The following CEP128 variants were observed in gnomAD, a reference collection of about 807,000 sequenced individuals.
CEP128 encodes the protein centrosomal protein 128, also known as centrosomal protein 128kDa.
A neutral mutation model predicts 156.7 loss-of-function variants in CEP128; 132 were observed. The observed-to-expected ratio is 0.84, with a 90% CI of 0.73 to 0.97. The LOEUF is 0.97. CEP128 is among the 50% of genes least tolerant of loss of function. CEP128 has a pLI of 0.00. For missense variants in CEP128, 1,252 were observed against 1,281.9 expected (o/e 0.98, Z 0.36); for synonymous variants, 469 against 448.9 (o/e 1.04, Z -0.57).
At chr14:80,761,359 C>A (rs1899957387) in intron 17 of CEP128, 78 bp downstream of exon 17, 1 of 1,101,282 alleles carries the variant, frequency 9.1e-7, no homozygotes, top group Non-Finnish European at 1.3e-6. Flanking sequence ...ATCTGACTAC[C>A]ACACATGAAA....
chr14:80,691,987 C>T (rs1167502986), intron 19 of CEP128, among the ~76,000 whole-genome samples: 2 of 152,158 alleles, frequency 1.3e-5, no homozygotes, highest in East Asian at 3.9e-4. Context: ...ACACTCCCCT[C>T]TTGCACACGG....
intron 19 of CEP128, among the ~76,000 whole-genome samples, chr14:80,710,318 A>C (rs1897357318): frequency 6.6e-6 from 1 of 152,114 alleles, no homozygotes; most frequent in Non-Finnish European, 1.5e-5. Flanking sequence ...ACAGTATGAT[A>C]TATTGAGTAT....
chr14:80,660,034 C>G (rs1895332831), intron 19 of CEP128, among the ~76,000 whole-genome samples: 2 of 152,146 alleles, frequency 1.3e-5, no homozygotes, highest in South Asian at 4.1e-4. Context: ...GATTGCAGAT[C>G]TGATGGCATG....
intron 19 of CEP128, among the ~76,000 whole-genome samples, chr14:80,691,311 C>T (rs1044840070): frequency 6.6e-6 from 1 of 152,048 alleles, no homozygotes; most frequent in African/African-American, 2.4e-5. Context: ...ATCCTTTTAG[C>T]GAGAATAATG....
chr14:80,678,064 G>GTATATATATATATATATATATA (rs1274703937), intron 19 of CEP128, among the ~76,000 whole-genome samples: 2 of 27,450 alleles, frequency 7.3e-5, no homozygotes, highest in Non-Finnish European at 1.1e-4. Flanking sequence ...ATATATATAT[G>GTATATATATATATATATATATA]TATATATATA....
chr14:80,748,190 T>C (rs1899205141), intron 18 of CEP128, among the ~76,000 whole-genome samples: 1 of 152,148 alleles, frequency 6.6e-6, no homozygotes, highest in African/African-American at 2.4e-5. Context: ...GCAAATTAAA[T>C]TGGGCTGTGC....
At chr14:80,517,224 T>G (rs1888530184) in intron 23 of CEP128, among the ~76,000 whole-genome samples, 1 of 152,142 alleles carries the variant, frequency 6.6e-6, no homozygotes, top group Non-Finnish European at 1.5e-5. Flanking sequence ...TTTTTAAATT[T>G]CATTGATCTT....
At position 80,656,303 on chromosome 14, in the gene CEP128, A is replaced by ATATATATTTT. The variant is rs1239522139; in HGVS notation, c.2807-75881_2807-75880insAAAATATATA. ...TTTATATATATATTTATATATATATATATATATATATATATATATATATAT... is the reference window on the plus strand; with the variant it reads ...TTTATATATATATTTATATATATATATATATATTTTTATATATATATATATATATATATAT... On this transcript the variant is annotated intron_variant, in intron 19 of 24. Transcript: ENST00000555265. Among the ~76,000 whole-genome samples the ATATATATTTT allele has an allele frequency of 1.9e-3, 32 of 17,200 alleles. 1 individual carries two copies. The highest frequency in any genetic ancestry group is 7.7e-3 in the African/African-American group (32 of 4,152). 11.3% of individuals were successfully genotyped at this position (17,200 alleles called of 152,430 possible). A position where few individuals can be genotyped will look rare whatever the true frequency, so the allele number is the denominator to read the frequency against.
intron 19 of CEP128, among the ~76,000 whole-genome samples, chr14:80,639,911 C>A (rs1227070968): frequency 1.3e-5 from 2 of 152,076 alleles, no homozygotes; most frequent in African/African-American, 4.8e-5. Flanking sequence ...AAAACAAAGG[C>A]AAATAACACA....
At chr14:80,650,416 C>T (rs1894851043) in intron 19 of CEP128, among the ~76,000 whole-genome samples, 4 of 152,150 alleles carry the variant, frequency 2.6e-5, no homozygotes, top group African/African-American at 7.2e-5. Flanking sequence ...ATTTCTTTCT[C>T]TTGCCGGATT....
chr14:80,489,207 T>C (rs1049589941), downstream of CEP128, among the ~76,000 whole-genome samples: 31 of 145,762 alleles, frequency 2.1e-4, no homozygotes, highest in Non-Finnish European at 3.7e-4. Context: ...TATTTTCCCC[T>C]AGTAAAAGTA....
chr14:80,866,130 T>C (rs1435576649), intron 8 of CEP128, among the ~76,000 whole-genome samples: 2 of 151,570 alleles, frequency 1.3e-5, no homozygotes, highest in Non-Finnish European at 2.9e-5. Context: ...GGAACTCAGG[T>C]TCCAGGTGCA....
chr14:80,925,044 G>T lies in CEP128; in HGVS notation c.-15-8482C>A, dbSNP rs530898597. Among the ~76,000 whole-genome samples, 9 of 152,174 alleles carry T rather than the reference G, an allele frequency of 5.9e-5. No homozygotes were observed. The South Asian group carries it at 1.9e-3, about 32-fold the overall frequency. On this transcript the variant is annotated intron_variant, in intron 2 of 24. Transcript: ENST00000555265. ...ATCCTGAACTATTAAACTGAGCAAA[G>T]AAATCAATGAAAAGAAAGAGCTTTT...
chr14:80,576,162 C>T (rs374576266), intron 20 of CEP128, among the ~76,000 whole-genome samples: 3 of 151,970 alleles, frequency 2.0e-5, no homozygotes, highest in Admixed American at 6.6e-5. Context: ...CAACACCTAC[C>T]GCTATTAGCC....
At chr14:80,587,618 C>T (rs1244305796) in intron 19 of CEP128, among the ~76,000 whole-genome samples, 1 of 152,106 alleles carries the variant, frequency 6.6e-6, no homozygotes, top group Non-Finnish European at 1.5e-5. Flanking sequence ...CACTGAGAAA[C>T]ATCCTGATAT....
chr14:80,828,754 G>T (rs192007400), intron 13 of CEP128, among the ~76,000 whole-genome samples: 1 of 152,168 alleles, frequency 6.6e-6, no homozygotes, highest in East Asian at 1.9e-4. Context: ...AGAAAGTGAA[G>T]GTTAAAAAGA....
At chr14:80,698,656 G>A (rs1461832101) in intron 19 of CEP128, among the ~76,000 whole-genome samples, 4 of 152,012 alleles carry the variant, frequency 2.6e-5, no homozygotes, top group Admixed American at 2.6e-4. Flanking sequence ...TTTGAATGCA[G>A]CCTAGTTTTC....
intron 20 of CEP128, among the ~76,000 whole-genome samples, chr14:80,578,559 A>T (rs1349448989): frequency 6.6e-6 from 1 of 152,204 alleles, no homozygotes; most frequent in Non-Finnish European, 1.5e-5. Flanking sequence ...TTTCTATTAC[A>T]GATGAGAAAA....
chr14:80,696,239 C>T (rs893854648), intron 19 of CEP128, among the ~76,000 whole-genome samples: 1 of 152,118 alleles, frequency 6.6e-6, no homozygotes, highest in Non-Finnish European at 1.5e-5. Context: ...CAAGGAATAA[C>T]ATAAGACAAG....
Sources: allele counts gnomAD v4.1 joint callset (sites outside exome capture counted in the v4.1 genomes callset), GRCh38; gene constraint gnomAD v4.1.1; transcripts MANE v1.5; gene names NCBI Gene and HGNC (gene_info 2026-07-23, HGNC 2026-07-21).